The following HSD17B12 variants were observed in gnomAD, a reference collection of about 807,000 sequenced individuals.
HSD17B12 encodes the protein very-long-chain 3-oxoacyl-CoA reductase.
Under a neutral mutation model 39.3 loss-of-function variants are expected in HSD17B12, and 32 were observed. The ratio of observed to expected loss-of-function variants is 0.81; its 90% CI spans 0.61 to 1.09. The LOEUF (loss-of-function observed/expected upper bound fraction) is 1.09, where lower values mean the gene tolerates loss of function less well. Among genes scored for constraint, HSD17B12 ranks in the 50% least tolerant of loss-of-function variants. The pLI, the probability that HSD17B12 is intolerant of heterozygous loss-of-function variation, is 0.00. For missense variants in HSD17B12, 342 were observed against 382.9 expected (o/e 0.89, Z 0.89); for synonymous variants, 150 against 146.7 (o/e 1.02, Z -0.16).
upstream of HSD17B12, among the ~76,000 whole-genome samples, chr11:43,680,137 G>T (rs918271049): frequency 4.8e-5 from 7 of 144,360 alleles, no homozygotes; most frequent in African/African-American, 1.8e-4. Flanking sequence ...ATGCAGTGGC[G>T]CGATCTCGGC....
At chr11:43,611,593 G>A in the HSD17B12 span, among the ~76,000 whole-genome samples, 3 of 152,174 alleles carry the variant, frequency 2.0e-5, no homozygotes, top group Admixed American at 2.0e-4. Context: ...CTGGGTTGGA[G>A]CCTCACTGAT....
the HSD17B12 span, among the ~76,000 whole-genome samples, chr11:43,572,347 T>C: frequency 6.6e-6 from 1 of 152,146 alleles, no homozygotes. Context: ...ACAGGCTTCT[T>C]AGGAGGAATA....
At chr11:43,803,953 AGGAG>A (rs1950994623) in intron 4 of HSD17B12, among the ~76,000 whole-genome samples, 3 of 152,306 alleles carry the variant, frequency 2.0e-5, no homozygotes, top group Non-Finnish European at 4.4e-5. Context: ...TTGATTCCTT[AGGAG>A]AGACTCTCAT....
chr11:43,578,582 C>T, the HSD17B12 span, among the ~76,000 whole-genome samples: 3 of 152,212 alleles, frequency 2.0e-5, no homozygotes, highest in African/African-American at 2.4e-5. Flanking sequence ...ACCCCGCGGC[C>T]TCCTCGTCAT....
chr11:43,775,584 A>C (rs962607852), intron 3 of HSD17B12, among the ~76,000 whole-genome samples: 1 of 151,704 alleles, frequency 6.6e-6, no homozygotes, highest in African/African-American at 2.4e-5. Context: ...ACTCAAATTT[A>C]TTTCTTTTTT....
At chr11:43,635,801 T>TAAAA in the HSD17B12 span, among the ~76,000 whole-genome samples, 23,235 of 152,262 alleles carry the variant, frequency 0.15, 2,398 homozygotes, top group African/African-American at 0.29. Context: ...AAATGCTTCT[T>TAAAA]TTGTCTTCTG....
Position 43,831,104 on chromosome 11 carries a change from T to C in HSD17B12, c.536+94T>C. 8.5e-7 allele frequency: 1 copy of C among 1,176,598 alleles called. No individual in the cohort carries two copies. The highest frequency in any genetic ancestry group is 1.4e-5 in the South Asian group (1 of 70,644). 72.9% of individuals were successfully genotyped at this position (1,176,598 alleles called of 1,614,324 possible). Reference sequence around the variant, plus strand: ...GCTTTGAAAAAATCACTGAAGTGACTAATGAACCAAGCCTCCATGTCTTAG... The same window carrying C: ...GCTTTGAAAAAATCACTGAAGTGACCAATGAACCAAGCCTCCATGTCTTAG... On this transcript the variant is annotated intron_variant, in intron 7 of 10. Transcript: ENST00000278353. The surrounding 1 kb of genome is among the most constrained non-coding windows in gnomAD (Gnocchi z 4.1).
the HSD17B12 span, among the ~76,000 whole-genome samples, chr11:43,632,011 GA>G: frequency 6.6e-6 from 1 of 152,130 alleles, no homozygotes; most frequent in African/African-American, 2.4e-5. Context: ...GTGAGTGAGG[GA>G]GGGGGAGGAG....
chr11:43,718,002 G>A (rs565563920), intron 1 of HSD17B12, among the ~76,000 whole-genome samples: 6 of 151,696 alleles, frequency 4.0e-5, no homozygotes, highest in South Asian at 2.1e-4. Context: ...ATGGAATTTC[G>A]CCATGTTGCT....
At chr11:43,788,695 A>C (rs1950839321) in intron 3 of HSD17B12, among the ~76,000 whole-genome samples, 1 of 151,190 alleles carries the variant, frequency 6.6e-6, no homozygotes, top group Non-Finnish European at 1.5e-5. Context: ...CAAAAAAAAA[A>C]AAAAAAAAAA....
chr11:43,780,979 A>C lies in HSD17B12; in HGVS notation c.284-17341A>C, dbSNP rs1056631152. Among the ~76,000 whole-genome samples the C allele has an allele frequency of 2.6e-5, 4 of 152,356 alleles. No individual in the cohort carries two copies. The South Asian group carries it at 8.3e-4, about 32-fold the overall frequency. Reference sequence around the variant, plus strand: ...GAGAAGGAATCCCAGAATCTGGGGCATATGTGCATGCAGACTAGTCGCACC... The same window carrying C: ...GAGAAGGAATCCCAGAATCTGGGGCCTATGTGCATGCAGACTAGTCGCACC... On this transcript the variant is annotated intron_variant, in intron 3 of 10. Transcript: ENST00000278353.
At chr11:43,715,424 C>T (rs556438644) in intron 1 of HSD17B12, among the ~76,000 whole-genome samples, 24 of 152,138 alleles carry the variant, frequency 1.6e-4, no homozygotes, top group East Asian at 5.8e-4. Flanking sequence ...TGCTGGATTA[C>T]GTTTATTGAT....
At chr11:43,830,945 C>T in intron 6 of HSD17B12, 31 bp from the exon 7 acceptor site, 1 of 1,595,210 alleles carries the variant, frequency 6.3e-7, no homozygotes. Context: ...CATCCTTGGC[C>T]ATCATGAATG....
intron 1 of HSD17B12, among the ~76,000 whole-genome samples, chr11:43,708,663 A>G (rs1950037404): frequency 6.6e-6 from 1 of 152,182 alleles, no homozygotes; most frequent in African/African-American, 2.4e-5. Flanking sequence ...GATAATTTCT[A>G]TTTGTATGTA....
the HSD17B12 span, among the ~76,000 whole-genome samples, chr11:43,591,627 A>G: frequency 6.6e-6 from 1 of 152,244 alleles, no homozygotes; most frequent in South Asian, 2.1e-4. Flanking sequence ...AAAATAAACT[A>G]TATAGTTTTA....
At chr11:43,574,574 C>G in the HSD17B12 span, among the ~76,000 whole-genome samples, 19,854 of 152,120 alleles carry the variant, frequency 0.13, 1,610 homozygotes, top group Non-Finnish European at 0.18. Context: ...AACCCTTTGT[C>G]ATGCTGAGGT....
At chr11:43,769,375 T>C (rs1950628322) in intron 3 of HSD17B12, among the ~76,000 whole-genome samples, 1 of 152,248 alleles carries the variant, frequency 6.6e-6, no homozygotes, top group South Asian at 2.1e-4. Flanking sequence ...AGTAATATTT[T>C]AAATGTTTCC....
intron 1 of HSD17B12, among the ~76,000 whole-genome samples, chr11:43,719,358 G>A (rs1294430470): frequency 3.9e-5 from 6 of 152,150 alleles, no homozygotes; most frequent in Non-Finnish European, 5.9e-5. Flanking sequence ...ACTAGAGTTA[G>A]CATCATAGGA....
At chr11:43,762,177 A>AG (rs1223170356) in intron 3 of HSD17B12, among the ~76,000 whole-genome samples, 2 of 130,222 alleles carry the variant, frequency 1.5e-5, no homozygotes, top group Admixed American at 7.7e-5. Flanking sequence ...AAAATTAAGA[A>AG]GAAAAAAAAG....
Sources: gnomAD v4.1 joint callset for allele counts (sites outside exome capture counted in the v4.1 genomes callset) on GRCh38, gnomAD v4.1.1 for gene constraint, Gnocchi (gnomAD v3.1) non-coding constraint, MANE v1.5 for transcripts, NCBI Gene and HGNC (gene_info 2026-07-23, HGNC 2026-07-21) for gene names.